The following FAM8A1 variants were observed in gnomAD, a reference collection of about 807,000 sequenced individuals.
The protein encoded by FAM8A1 is protein FAM8A1.
Under a neutral mutation model 38.3 loss-of-function variants are expected in FAM8A1, and 18 were observed. The ratio of observed to expected loss-of-function variants is 0.47; its 90% CI spans 0.33 to 0.70. FAM8A1 has a LOEUF of 0.70. Among genes scored for constraint, FAM8A1 ranks in the 30% least tolerant of loss-of-function variants. The pLI is 0.03. For synonymous variants in FAM8A1, 246 were observed against 234.4 expected (o/e 1.05, Z -0.45); for missense variants, 559 against 559.6 (o/e 1.00, Z 0.01).
In FAM8A1 at chr6:17,600,352, A is replaced by G. The variant is rs1036222510; in HGVS notation, c.-58A>G. The G allele has an allele frequency of 3.0e-5, 40 of 1,330,912 alleles. No homozygotes were observed. The highest frequency in any genetic ancestry group is 4.2e-5 in the Admixed American group (1 of 24,008). The allele number at this position is 1,330,912 out of a possible 1,614,324, so 82.4% of individuals were successfully genotyped here. ...GTGACGGGGCTGTTGGGGAGGGGCC[A>G]TTGGGGGAGGGAAACGGAGCAGTGA... On this transcript the variant is annotated 5_prime_UTR_variant, in exon 1 of 5. Transcript: ENST00000259963.
rs1581643966 is a variant in FAM8A1 at position 17,611,662 on chromosome 6, A to AATT, written c.*3324_*3326dup. 1 of 152,248 alleles carries AATT rather than the reference A, an allele frequency of 6.6e-6. No individual in the cohort carries two copies. Among genetic ancestry groups the AATT allele is most frequent in the East Asian group, 1.9e-4 (1 of 5,192 alleles). The allele number at this position is 152,248 out of a possible 1,614,324, so 9.4% of individuals were successfully genotyped here. ...TAAAATTCAGCATTCTATTTTTAAT[A>AATT]ATTTGTATGCCACCAATTTGTATTA... On this transcript the variant is annotated 3_prime_UTR_variant, in exon 5 of 5. Coordinates refer to ENST00000259963, the MANE Select transcript of FAM8A1 (RefSeq NM_016255.3).
At position 17,609,540 on chromosome 6, in the gene FAM8A1, A is replaced by G. The variant is rs1194950209; in HGVS notation, c.*1201A>G. On this transcript the variant is annotated 3_prime_UTR_variant, in exon 5 of 5. Coordinates refer to ENST00000259963, the MANE Select transcript of FAM8A1 (RefSeq NM_016255.3). ...AAGTTTGGGGGGAAATGTTACGCAA[A>G]GTGATACTGTGTATGTTGCCATTTT... 6.6e-6 allele frequency: 1 copy of G among 152,146 alleles called. No homozygotes were observed. The highest frequency in any genetic ancestry group is 2.4e-5 in the African/African-American group (1 of 41,422). 9.4% of individuals were successfully genotyped at this position (152,146 alleles called of 1,614,324 possible). A position where few individuals can be genotyped will look rare whatever the true frequency, so the allele number is the denominator to read the frequency against.
chr6:17,605,920 T>TG lies in FAM8A1; in HGVS notation c.1005dup (p.Leu336AlafsTer9). The TG allele has an allele frequency of 6.3e-7, 1 of 1,581,198 alleles. No individual in the cohort carries two copies. Among genetic ancestry groups the TG allele is most frequent in the Non-Finnish European group, 8.6e-7 (1 of 1,158,786 alleles). On this transcript the variant is annotated frameshift_variant, in exon 4 of 5. Coordinates refer to ENST00000259963, the MANE Select transcript of FAM8A1 (RefSeq NM_016255.3). LOFTEE classifies it high-confidence loss of function. The stretch of plus-strand genomic sequence containing the variant: ...GGTGGAGCTACCCCAGGGAAGTTCC[T>TG]GCTGGGGCTTCGAGTTGTGACATGT...
chr6:17,600,360 A>G lies in FAM8A1; in HGVS notation c.-50A>G. The G allele has an allele frequency of 7.5e-7, 1 of 1,332,690 alleles. No individual in the cohort carries two copies. 82.6% of individuals were successfully genotyped at this position (1,332,690 alleles called of 1,614,324 possible). On this transcript the variant is annotated 5_prime_UTR_variant, in exon 1 of 5. Transcript: ENST00000259963. ...GCTGTTGGGGAGGGGCCATTGGGGG[A>G]GGGAAACGGAGCAGTGACAGGTATC...
In FAM8A1 at chr6:17,610,604, T is replaced by G. The variant is rs550600343; in HGVS notation, c.*2265T>G. 1.3e-5 allele frequency: 2 copies of G among 152,036 alleles called. No individual in the cohort carries two copies. The highest frequency in any genetic ancestry group is 2.9e-5 in the Non-Finnish European group (2 of 67,946). The allele number at this position is 152,036 out of a possible 1,614,324, so 9.4% of individuals were successfully genotyped here. Reference sequence around the variant, plus strand: ...ACCTTAGTGCCACATATTTTTCTCTTGGGGTTGTAAGGTAGTCTCCTGCTT... The same window carrying G: ...ACCTTAGTGCCACATATTTTTCTCTGGGGGTTGTAAGGTAGTCTCCTGCTT... On this transcript the variant is annotated 3_prime_UTR_variant, in exon 5 of 5. Coordinates refer to ENST00000259963, the MANE Select transcript of FAM8A1 (RefSeq NM_016255.3).
intron 2 of FAM8A1, 94 bp from the exon 3 acceptor site, chr6:17,604,812 A>T (rs1034395092): frequency 3.1e-6 from 3 of 968,826 alleles, no homozygotes; most frequent in African/African-American, 3.4e-5. Flanking sequence ...TTAGAATTTC[A>T]ATTAAAATGT....
chr6:17,605,074 T>G, intron 3 of FAM8A1, 45 bp downstream of exon 3: 1 of 1,545,266 alleles, frequency 6.5e-7, no homozygotes, highest in Non-Finnish European at 8.8e-7. Flanking sequence ...ACAATCTAAT[T>G]TTATGTTTTT....
At position 17,608,200 on chromosome 6, in the gene FAM8A1, C is replaced by G. The variant is rs368915805; in HGVS notation, c.1103C>G (p.Thr368Ser). 1 of 1,606,202 alleles carries G rather than the reference C, an allele frequency of 6.2e-7. No homozygotes were observed. Among genetic ancestry groups the G allele is most frequent in the Non-Finnish European group, 8.5e-7 (1 of 1,176,584 alleles). Residue 368 changes from threonine to serine, a missense_variant, in exon 5 of 5, where the codon ACT becomes AGT. By Grantham distance (58) the Thr-to-Ser change is moderately conservative. This residue lies in a region of FAM8A1 where 166 missense variants were observed against 220.8 expected (regional missense o/e 0.75). Coordinates refer to ENST00000259963, the MANE Select transcript of FAM8A1 (RefSeq NM_016255.3). ...PSSNVSITTS[T>S]IRALIKNFSI... The stretch of plus-strand genomic sequence containing the variant: ...TTTTTGTTTTAACTTTTTAGGTCCA[C>G]TATCCGAGCTTTGATCAAGAATTTT...
rs1488662543 is a variant in FAM8A1, at chr6:17,611,342, G to A, written c.*3003G>A. The A allele has an allele frequency of 6.6e-6, 1 of 152,522 alleles. No homozygotes were observed. Among genetic ancestry groups the A allele is most frequent in the Non-Finnish European group, 1.5e-5 (1 of 68,002 alleles). 9.4% of individuals were successfully genotyped at this position (152,522 alleles called of 1,614,324 possible). A position where few individuals can be genotyped will look rare whatever the true frequency, so the allele number is the denominator to read the frequency against. On this transcript the variant is annotated 3_prime_UTR_variant, in exon 5 of 5. Transcript: ENST00000259963. Reference sequence around the variant, plus strand: ...TTAATTTACACTAGTTGCTACTTGGGAATAAAGGGCTTTTTGAGGGGGGTA... The same window carrying A: ...TTAATTTACACTAGTTGCTACTTGGAAATAAAGGGCTTTTTGAGGGGGGTA...
Position 17,605,035 on chromosome 6 carries a change from C to G in FAM8A1, c.957+6C>G. ...TATTAGTTTGTTTCTATGAGGTAAG[C>G]TACTGACTTCAGCAAGAATTAATAT... is the stretch of plus-strand genomic sequence containing the variant. On this transcript the variant is annotated splice_donor_region_variant and intron_variant, in intron 3 of 4. Coordinates refer to ENST00000259963, the MANE Select transcript of FAM8A1 (RefSeq NM_016255.3). The G allele has an allele frequency of 6.3e-7, 1 of 1,597,084 alleles. No homozygotes were observed. The highest frequency in any genetic ancestry group is 8.5e-7 in the Non-Finnish European group (1 of 1,173,158).
In FAM8A1 at chr6:17,601,098, C is replaced by G; in HGVS notation, c.689C>G (p.Pro230Arg). 3 of 1,595,988 alleles carry G rather than the reference C, an allele frequency of 1.9e-6. No homozygotes were observed. Among genetic ancestry groups the G allele is most frequent in the Middle Eastern group, 1.7e-4 (1 of 6,040 alleles). The change falls in exon 1 of 5, where the codon CCG (proline) becomes CGG (arginine). Residue 230 changes from proline (P) to arginine (R), a missense_variant. Pro to Arg is a moderately radical substitution (Grantham distance 103). Transcript: ENST00000259963. ...GGATCCGCAGCCCCTTCGCGAAGCC[C>G]GAGCGAGACCGGGCGACAGGCAGGT... ...RVGSAAPSRS[P>R]SETGRQAGRE...
rs936610810 is a variant in FAM8A1 at position 17,609,872 on chromosome 6, CTG to C, written c.*1536_*1537del. 31 of 152,254 alleles carry C rather than the reference CTG, an allele frequency of 2.0e-4. No individual in the cohort carries two copies. Among genetic ancestry groups the C allele is most frequent in the African/African-American group, 7.0e-4 (29 of 41,558 alleles). 9.4% of individuals were successfully genotyped at this position (152,254 alleles called of 1,614,324 possible). On this transcript the variant is annotated 3_prime_UTR_variant, in exon 5 of 5. Transcript: ENST00000259963. ...AAAGGTTTTTCTTTGACGTTTAAAA[CTG>C]TGACAACAGATATTCACATTTGATT...
intron 4 of FAM8A1, 145 bp downstream of exon 4, chr6:17,606,158 T>G: frequency 1.9e-6 from 1 of 529,198 alleles, no homozygotes; most frequent in Non-Finnish European, 3.0e-6. Flanking sequence ...TTGTGTTACA[T>G]GATTGTAGAC....
In FAM8A1 at chr6:17,608,343, C is replaced by T. The variant is rs770960784; in HGVS notation, c.*4C>T. The stretch of plus-strand genomic sequence containing the variant: ...AAAAAGAAATGGGGTCAGATGATGC[C>T]CCCCAAAACCCTGATTTCCACACAC... On this transcript the variant is annotated 3_prime_UTR_variant, in exon 5 of 5. Transcript: ENST00000259963. 3.1e-6 allele frequency: 5 copies of T among 1,608,366 alleles called. No homozygotes were observed. The highest frequency in any genetic ancestry group is 4.5e-5 in the East Asian group (2 of 44,766).
intron 1 of FAM8A1, among the ~76,000 whole-genome samples, chr6:17,601,780 C>G (rs921750724): frequency 2.0e-5 from 3 of 150,124 alleles, no homozygotes; most frequent in African/African-American, 7.4e-5. Context: ...TGATCCCAGT[C>G]AGAATTTAGG....
rs1489381640 is a variant in FAM8A1, at chr6:17,610,294, T to C, written c.*1955T>C. On this transcript the variant is annotated 3_prime_UTR_variant, in exon 5 of 5. Coordinates refer to ENST00000259963, the MANE Select transcript of FAM8A1 (RefSeq NM_016255.3). The stretch of plus-strand genomic sequence containing the variant: ...CCATCGAGATTATTTTCATTTATAC[T>C]ATAAAACAAAAGCAAACTAGTCCAG... The C allele has an allele frequency of 6.6e-6, 1 of 152,172 alleles. No homozygotes were observed. The highest frequency in any genetic ancestry group is 1.5e-5 in the Non-Finnish European group (1 of 68,008). The allele number at this position is 152,172 out of a possible 1,614,324, so 9.4% of individuals were successfully genotyped here.
rs371422165 is a variant in FAM8A1 at position 17,601,102 on chromosome 6, C to T, written c.693C>T (p.Ser231=). 3.2e-5 allele frequency: 51 copies of T among 1,594,128 alleles called. No individual in the cohort carries two copies. The highest frequency in any genetic ancestry group is 2.3e-4 in the East Asian group (10 of 44,288). The part of the protein sequence containing the change: ...VGSAAPSRSP[S]ETGRQAGREY... ...CCGCAGCCCCTTCGCGAAGCCCGAG[C>T]GAGACCGGGCGACAGGCAGGTGAGA... The change falls in exon 1 of 5, where the codon AGC becomes AGT. Residue 231 remains serine (S), a synonymous_variant. Coordinates refer to ENST00000259963, the MANE Select transcript of FAM8A1 (RefSeq NM_016255.3).
chr6:17,602,774 A>G, intron 2 of FAM8A1, 64 bp downstream of exon 2: 1 of 1,533,276 alleles, frequency 6.5e-7, no homozygotes, highest in Non-Finnish European at 8.8e-7. Context: ...GTTTTATTAC[A>G]TTCTGTTTGT....
At chr6:17,605,298 C>G (rs1420964939) in intron 3 of FAM8A1, among the ~76,000 whole-genome samples, 1 of 152,110 alleles carries the variant, frequency 6.6e-6, no homozygotes, top group African/African-American at 2.4e-5. Flanking sequence ...CCAGGCTGGT[C>G]TCAAACTCCT....
Sources: allele counts gnomAD v4.1 joint callset (sites outside exome capture counted in the v4.1 genomes callset), GRCh38; gene constraint gnomAD v4.1.1; regional missense constraint gnomAD v4.1.1; transcripts MANE v1.5; gene names NCBI Gene and HGNC (gene_info 2026-07-23, HGNC 2026-07-21).